Variants in SPTLC1 observed in about 807,000 individuals in gnomAD.
The protein encoded by SPTLC1 is serine palmitoyltransferase 1.
Under a neutral mutation model 68.9 loss-of-function variants are expected in SPTLC1, and 55 were observed. That is an observed-to-expected ratio of 0.80 (90% CI 0.64 to 1.00). SPTLC1 has a LOEUF of 1.00. Among genes scored for constraint, SPTLC1 ranks in the 50% least tolerant of loss-of-function variants. SPTLC1 has a pLI of 0.00. For missense variants in SPTLC1, 449 were observed against 573.1 expected (o/e 0.78, Z 2.21); for synonymous variants, 197 against 201.6 (o/e 0.98, Z 0.19).
At chr9:92,087,148 A>AT (rs1165904894) in intron 3 of SPTLC1, among the ~76,000 whole-genome samples, 5 of 150,544 alleles carry the variant, frequency 3.3e-5, no homozygotes, top group Admixed American at 2.0e-4. Context: ...ATTCGTCTAA[A>AT]TTTTTTTCAA....
rs2118733967 is a variant in SPTLC1 at position 92,089,677 on chromosome 9, A to G, written c.261-8714T>C. Reference sequence around the variant, plus strand: ...GGAAAAACTGGAGGAAAAAAGTGAGAGACAATGTTTGAACAGATAAAAGCT... The same window carrying G: ...GGAAAAACTGGAGGAAAAAAGTGAGGGACAATGTTTGAACAGATAAAAGCT... On this transcript the variant is annotated intron_variant, in intron 3 of 14. Transcript: ENST00000262554. Among the ~76,000 whole-genome samples, 5 of 152,366 alleles carry G rather than the reference A, an allele frequency of 3.3e-5. 1 individual carries two copies. The South Asian group carries it at 1.0e-3, about 32-fold the overall frequency.
Position 92,045,897 on chromosome 9 carries a change from A to G in SPTLC1, c.1136+102T>C, listed in dbSNP as rs1172266015. 6 of 1,078,340 alleles carry G rather than the reference A, an allele frequency of 5.6e-6. No homozygotes were observed. The African/African-American group carries it at 8.0e-5, about 14-fold the overall frequency. 66.8% of individuals were successfully genotyped at this position (1,078,340 alleles called of 1,614,324 possible). Reference sequence around the variant, plus strand: ...CTAAGTTTTTGGTTTCTTAGCTGCAATCTGGTCAAACTGACCCAAGCCTAG... The same window carrying G: ...CTAAGTTTTTGGTTTCTTAGCTGCAGTCTGGTCAAACTGACCCAAGCCTAG... On this transcript the variant is annotated intron_variant, in intron 12 of 14. Coordinates refer to ENST00000262554, the MANE Select transcript of SPTLC1 (RefSeq NM_006415.4).
Position 92,040,196 on chromosome 9 carries a change from C to G in SPTLC1, c.1137-1831G>C, listed in dbSNP as rs957708859. 2.6e-5 allele frequency among the ~76,000 whole-genome samples: 4 copies of G among 151,896 alleles called. 1 individual carries two copies. Among genetic ancestry groups the G allele is most frequent in the Middle Eastern group, 6.9e-3 (2 of 290 alleles). The stretch of plus-strand genomic sequence containing the variant: ...ACCAGCCTGGCCAACATGGTGAAAC[C>G]CTGTCTCTACTAAAAATATAAAAAT... On this transcript the variant is annotated intron_variant, in intron 12 of 14. Transcript: ENST00000262554.
At chr9:92,039,066 G>A (rs1406271696) in intron 12 of SPTLC1, among the ~76,000 whole-genome samples, 1 of 152,218 alleles carries the variant, frequency 6.6e-6, no homozygotes, top group Non-Finnish European at 1.5e-5. Context: ...AGGATCGCTT[G>A]AACTCAGGAG....
At chr9:92,058,356 T>C (rs1054147004) in intron 7 of SPTLC1, among the ~76,000 whole-genome samples, 1 of 152,202 alleles carries the variant, frequency 6.6e-6, no homozygotes, top group Non-Finnish European at 1.5e-5. Context: ...GTGATGAGCA[T>C]TTTTATCATT....
At chr9:92,084,061 A>G (rs932968809) in intron 3 of SPTLC1, among the ~76,000 whole-genome samples, 4 of 151,826 alleles carry the variant, frequency 2.6e-5, no homozygotes, top group East Asian at 1.9e-4. Flanking sequence ...TTGGTGTATA[A>G]GAATGCTTGT....
At position 92,083,906 on chromosome 9, in the gene SPTLC1, T is replaced by C. The variant is rs578106944; in HGVS notation, c.261-2943A>G. ...TGTTCTTCCATTTGTTTGTATCCTCTTTTATTTCCTTGAGCAGTGGTTTGT... is the reference window on the plus strand; with the variant it reads ...TGTTCTTCCATTTGTTTGTATCCTCCTTTATTTCCTTGAGCAGTGGTTTGT... On this transcript the variant is annotated intron_variant, in intron 3 of 14. Transcript: ENST00000262554. Among the ~76,000 whole-genome samples, 304 of 152,330 alleles carry C rather than the reference T, an allele frequency of 2.0e-3. 2 individuals are homozygous for C. Among genetic ancestry groups the C allele is most frequent in the Middle Eastern group, 6.8e-3 (2 of 294 alleles).
At chr9:92,053,946 G>A (rs1833794662) in intron 8 of SPTLC1, 2 of 985,002 alleles carry the variant, frequency 2.0e-6, no homozygotes, top group Admixed American at 1.2e-4. Flanking sequence ...AATCTCAATG[G>A]TCATGGTTTC....
intron 3 of SPTLC1, among the ~76,000 whole-genome samples, chr9:92,098,822 A>T (rs969036196): frequency 2.6e-5 from 4 of 152,256 alleles, no homozygotes; most frequent in Admixed American, 2.0e-4. Flanking sequence ...GCTAATGGTG[A>T]TGGGACACTC....
At chr9:92,039,963 G>A (rs1833282985) in intron 12 of SPTLC1, among the ~76,000 whole-genome samples, 1 of 152,180 alleles carries the variant, frequency 6.6e-6, no homozygotes, top group Admixed American at 6.5e-5. Flanking sequence ...TACTAATGTA[G>A]AAACTAAGCA....
chr9:92,096,593 A>C (rs1025156312), intron 3 of SPTLC1, among the ~76,000 whole-genome samples: 3 of 152,204 alleles, frequency 2.0e-5, no homozygotes, highest in Non-Finnish European at 4.4e-5. Flanking sequence ...GAAGGGAAAT[A>C]GTCTTTTCAA....
chr9:92,065,219 T>C (rs902787364), intron 6 of SPTLC1, among the ~76,000 whole-genome samples: 5 of 152,206 alleles, frequency 3.3e-5, no homozygotes, highest in South Asian at 4.1e-4. Flanking sequence ...AGTGGAGTGA[T>C]AGGACAGACT....
chr9:92,100,510 T>TCG (rs1477073326), intron 3 of SPTLC1, among the ~76,000 whole-genome samples: 1 of 152,120 alleles, frequency 6.6e-6, no homozygotes, highest in Non-Finnish European at 1.5e-5. Context: ...ACTGCAACAC[T>TCG]CTAACTGTGG....
chr9:92,087,604 GT>G (rs1163954351), intron 3 of SPTLC1, among the ~76,000 whole-genome samples: 2 of 152,224 alleles, frequency 1.3e-5, no homozygotes, highest in Non-Finnish European at 2.9e-5. Context: ...TCCTCTGGAA[GT>G]TTTGTCTCAG....
At chr9:92,114,215 A>G (rs1488566051) in intron 1 of SPTLC1, among the ~76,000 whole-genome samples, 2 of 152,054 alleles carry the variant, frequency 1.3e-5, no homozygotes, top group Non-Finnish European at 2.9e-5. Flanking sequence ...CGCAGCAGTG[A>G]GCTGATCGCA....
intron 3 of SPTLC1, among the ~76,000 whole-genome samples, chr9:92,095,905 C>G (rs116122670): frequency 6.6e-6 from 1 of 152,152 alleles, no homozygotes; most frequent in Non-Finnish European, 1.5e-5. Context: ...CGGGAAAGGC[C>G]GACAACAGGA....
intron 3 of SPTLC1, among the ~76,000 whole-genome samples, chr9:92,097,174 C>T (rs1835556398): frequency 6.6e-6 from 1 of 152,146 alleles, no homozygotes; most frequent in Non-Finnish European, 1.5e-5. Context: ...ATAAGCATTG[C>T]TAAGGATGTG....
At chr9:92,093,063 C>T (rs1835421555) in intron 3 of SPTLC1, among the ~76,000 whole-genome samples, 1 of 151,858 alleles carries the variant, frequency 6.6e-6, no homozygotes. Flanking sequence ...GAATGTCAAT[C>T]AATACTAGAA....
chr9:92,063,035 T>C (rs1834158629), intron 6 of SPTLC1, among the ~76,000 whole-genome samples: 1 of 151,956 alleles, frequency 6.6e-6, no homozygotes. Context: ...AATCAATCAA[T>C]GGAACTGACA....
Sources: gnomAD v4.1 joint callset for allele counts (sites outside exome capture counted in the v4.1 genomes callset) on GRCh38, gnomAD v4.1.1 for gene constraint, MANE v1.5 for transcripts, NCBI Gene and HGNC (gene_info 2026-07-23, HGNC 2026-07-21) for gene names.